The following FSTL4 variants were observed in gnomAD, a reference collection of about 807,000 sequenced individuals.
FSTL4 encodes follistatin like 4.
FSTL4 carries 28 observed loss-of-function variants against 78.2 expected under a neutral mutation model. The ratio of observed to expected loss-of-function variants is 0.36; its 90% CI spans 0.27 to 0.49. The LOEUF (loss-of-function observed/expected upper bound fraction) is 0.49, where lower values mean the gene tolerates loss of function less well. Among genes scored for constraint, FSTL4 ranks in the 20% least tolerant of loss-of-function variants. The pLI is 0.98. For missense variants in FSTL4, 922 were observed against 1,084.9 expected, an observed-to-expected ratio of 0.85 and a Z score of 2.11; for synonymous variants, 422 against 440.5, an observed-to-expected ratio of 0.96 and a Z score of 0.53.
chr5:133,406,336 G>A (rs1372439965), intron 3 of FSTL4, among the ~76,000 whole-genome samples: 1 of 152,210 alleles, frequency 6.6e-6, no homozygotes, highest in Non-Finnish European at 1.5e-5. Flanking sequence ...CAGTCTGCAG[G>A]GAGCTGTGAG....
At chr5:133,357,758 C>A (rs35215795) in intron 4 of FSTL4, among the ~76,000 whole-genome samples, 24,054 of 152,030 alleles carry the variant, frequency 0.16, 2,141 homozygotes, top group East Asian at 0.36. Flanking sequence ...ACCCCCCACA[C>A]CCCCTAAAAT....
chr5:133,604,459 A>C (rs1760933330), intron 1 of FSTL4, among the ~76,000 whole-genome samples: 1 of 152,182 alleles, frequency 6.6e-6, no homozygotes. Flanking sequence ...CTGTAATCCC[A>C]GCACTTTGGT....
At chr5:133,497,252 AGTTCCAATCCTG>A (rs533882136) in intron 3 of FSTL4, among the ~76,000 whole-genome samples, 13 of 152,294 alleles carry the variant, frequency 8.5e-5, no homozygotes, top group African/African-American at 3.1e-4. Flanking sequence ...GGCACATCTG[AGTTCCAATCCTG>A]GTTCTGTCAC....
chr5:133,709,097 C>T, the FSTL4 span, among the ~76,000 whole-genome samples: 3 of 152,188 alleles, frequency 2.0e-5, no homozygotes, highest in African/African-American at 7.2e-5. Flanking sequence ...AAATTGTAGA[C>T]ACATGGACTG....
rs1188474536 is a variant in FSTL4, at chr5:133,581,438, T to A, written c.127-14219A>T. On this transcript the variant is annotated intron_variant, in intron 2 of 15. Transcript: ENST00000265342. ...GTCGTGAGAAAGGAATGAGGGAGCA[T>A]GCAGACGGCATGCAATGTCACTCCT... Among the ~76,000 whole-genome samples the A allele has an allele frequency of 2.0e-5, 3 of 152,228 alleles. No homozygotes were observed. In the East Asian group the frequency reaches 5.8e-4, roughly 29 times the overall value.
intron 3 of FSTL4, among the ~76,000 whole-genome samples, chr5:133,448,123 T>C (rs1016679815): frequency 3.9e-5 from 6 of 152,228 alleles, no homozygotes; most frequent in Non-Finnish European, 8.8e-5. Flanking sequence ...TTAAGCACTA[T>C]CAGTAAACAG....
intron 11 of FSTL4, among the ~76,000 whole-genome samples, chr5:133,223,323 A>T (rs555123006): frequency 1.3e-5 from 2 of 152,360 alleles, no homozygotes; most frequent in East Asian, 3.9e-4. Flanking sequence ...TGTTCTGAGT[A>T]TGTGTCTGCA....
At chr5:133,525,195 T>C (rs1239227904) in intron 3 of FSTL4, among the ~76,000 whole-genome samples, 1 of 152,236 alleles carries the variant, frequency 6.6e-6, no homozygotes, top group Non-Finnish European at 1.5e-5. Flanking sequence ...GGCAGTCATT[T>C]AGATCTCCAT....
intron 4 of FSTL4, among the ~76,000 whole-genome samples, chr5:133,376,888 C>A (rs1473843085): frequency 1.6e-3 from 204 of 127,614 alleles, no homozygotes; most frequent in African/African-American, 3.2e-3. Flanking sequence ...GAGTCTGTCT[C>A]AAAAAAAAAA....
At chr5:133,760,371 G>A in the FSTL4 span, among the ~76,000 whole-genome samples, 1 of 152,212 alleles carries the variant, frequency 6.6e-6, no homozygotes, top group Non-Finnish European at 1.5e-5. Flanking sequence ...ACTGGCTACT[G>A]ACTTCCTCAT....
At chr5:133,679,099 C>A in the FSTL4 span, among the ~76,000 whole-genome samples, 1 of 152,200 alleles carries the variant, frequency 6.6e-6, no homozygotes, top group East Asian at 1.9e-4. Context: ...TTCCCTATGC[C>A]CTCTCCCTCT....
chr5:133,637,513 G>A, the FSTL4 span, among the ~76,000 whole-genome samples: 34 of 152,010 alleles, frequency 2.2e-4, no homozygotes, highest in Admixed American at 1.3e-3. Context: ...GTAATGAGTA[G>A]AACTAGACAC....
intron 12 of FSTL4, among the ~76,000 whole-genome samples, chr5:133,218,874 T>C (rs1751001003): frequency 6.6e-6 from 1 of 152,228 alleles, no homozygotes. Flanking sequence ...CTTCACTAGA[T>C]TGTAAGTAAG....
rs1045094272 is a variant in FSTL4 at position 133,236,856 on chromosome 5, C to T, written c.895-3319G>A. Among the ~76,000 whole-genome samples the T allele has an allele frequency of 8.5e-5, 13 of 152,216 alleles. No individual in the cohort carries two copies. Among genetic ancestry groups the T allele is most frequent in the Non-Finnish European group, 7.4e-5 (5 of 68,024 alleles). ...CACCCTGCTTGGCGCCTCCTGTGGA[C>T]GCACTGCTGTGCCGCCTGCTGCTTT... is the stretch of plus-strand genomic sequence containing the variant. On this transcript the variant is annotated intron_variant, in intron 7 of 15. Transcript: ENST00000265342. This position sits in a 1 kb window ranked among gnomAD's most constrained non-coding sequence, Gnocchi z 5.0.
the FSTL4 span, among the ~76,000 whole-genome samples, chr5:133,680,305 C>A: frequency 6.6e-6 from 1 of 152,204 alleles, no homozygotes; most frequent in Non-Finnish European, 1.5e-5. Context: ...ATCCTCCGCA[C>A]TCTATAGCAT....
chr5:133,305,100 C>T (rs1753626562), intron 6 of FSTL4, among the ~76,000 whole-genome samples: 1 of 152,230 alleles, frequency 6.6e-6, no homozygotes, highest in Non-Finnish European at 1.5e-5. Flanking sequence ...CCTAGGAGGT[C>T]TTAAATAACA....
the FSTL4 span, among the ~76,000 whole-genome samples, chr5:133,653,328 G>C: frequency 1.3e-5 from 2 of 152,206 alleles, no homozygotes; most frequent in Non-Finnish European, 2.9e-5. Context: ...CTCCTCAGCA[G>C]ATGATGAACT....
chr5:133,805,459 T>G, the FSTL4 span, among the ~76,000 whole-genome samples: 166 of 152,290 alleles, frequency 1.1e-3, 1 homozygote, highest in African/African-American at 3.4e-3. Context: ...CACATGTGCA[T>G]ATGAAAAGAA....
At chr5:133,513,231 G>A (rs1298905360) in intron 3 of FSTL4, among the ~76,000 whole-genome samples, 1 of 152,132 alleles carries the variant, frequency 6.6e-6, no homozygotes, top group Non-Finnish European at 1.5e-5. Context: ...CAAACTATAA[G>A]CATGGAATAT....
Sources: allele counts gnomAD v4.1 joint callset (sites outside exome capture counted in the v4.1 genomes callset), GRCh38; gene constraint gnomAD v4.1.1; non-coding constraint Gnocchi (gnomAD v3.1); transcripts MANE v1.5; gene names NCBI Gene and HGNC (gene_info 2026-07-23, HGNC 2026-07-21).